XPR1: variants seen among roughly 807,000 people sequenced by gnomAD.
XPR1 encodes the protein solute carrier family 53 member 1.
Under a neutral mutation model 87.5 loss-of-function variants are expected in XPR1, and 28 were observed. That is an observed-to-expected ratio of 0.32 (90% confidence interval 0.24 to 0.44). XPR1 has a LOEUF of 0.44. XPR1 is among the 20% of genes least tolerant of loss of function. XPR1 has a pLI of 1.00. For missense variants in XPR1, 559 were observed against 862.3 expected (o/e 0.65, Z 4.41); for synonymous variants, 300 against 306.1 (o/e 0.98, Z 0.21).
At chr1:180,792,189 G>A (rs900037530) in intron 3 of XPR1, among the ~76,000 whole-genome samples, 10 of 152,104 alleles carry the variant, frequency 6.6e-5, no homozygotes, top group African/African-American at 1.9e-4. Flanking sequence ...ACAATATGGG[G>A]TGAGTTGAGC....
intron 11 of XPR1, among the ~76,000 whole-genome samples, chr1:180,846,883 A>G (rs553115314): frequency 6.6e-6 from 1 of 152,134 alleles, no homozygotes; most frequent in South Asian, 2.1e-4. Flanking sequence ...GATGCCACTT[A>G]ATAGGAAGGA....
chr1:180,767,849 CT>C (rs869095414), intron 2 of XPR1, among the ~76,000 whole-genome samples: 123 of 144,984 alleles, frequency 8.5e-4, no homozygotes, highest in Non-Finnish European at 8.2e-4. Context: ...TCACAAGAAA[CT>C]TTTTTTTTTT....
intron 1 of XPR1, among the ~76,000 whole-genome samples, chr1:180,646,701 C>T (rs973024052): frequency 6.6e-6 from 1 of 152,114 alleles, no homozygotes; most frequent in African/African-American, 2.4e-5. Context: ...CTCATTTTGG[C>T]TAGGGTTAGC....
intron 2 of XPR1, among the ~76,000 whole-genome samples, chr1:180,740,800 G>A (rs570189457): frequency 1.1e-4 from 16 of 152,222 alleles, no homozygotes; most frequent in Non-Finnish European, 2.2e-4. Context: ...CTTAGCACTC[G>A]AGGCTGGGAA....
In XPR1 at chr1:180,827,068, C is replaced by T. The variant is rs190326383; in HGVS notation, c.1134+1724C>T. On this transcript the variant is annotated intron_variant, in intron 9 of 14. Transcript: ENST00000367590. ...ACTCAGGAGGCTGAGGCAGGAGAAT[C>T]GCTTGAACCCAGGAAGTGGAAGTTG... Among the ~76,000 whole-genome samples the T allele has an allele frequency of 8.3e-3, 1,233 of 147,964 alleles. 8 individuals are homozygous for T. The highest frequency in any genetic ancestry group is 0.013 in the Non-Finnish European group (885 of 67,460).
chr1:180,739,459 T>C lies in XPR1; in HGVS notation c.122-48294T>C, dbSNP rs578167365. 3.9e-4 allele frequency among the ~76,000 whole-genome samples: 59 copies of C among 152,330 alleles called. 3 individuals are homozygous for C. The South Asian group carries it at 0.01, about 26-fold the overall frequency. On this transcript the variant is annotated intron_variant, in intron 2 of 14. Transcript: ENST00000367590. ...TTTAGACTCCGTTTGTCTATATCTA[T>C]GAAAAAATATTTCTGGCATATCAAT...
intron 1 of XPR1, among the ~76,000 whole-genome samples, chr1:180,659,439 CTTCCCTCCTTCTTCCCTCCCTT>C: frequency 7.6e-6 from 1 of 132,082 alleles, no homozygotes; most frequent in Admixed American, 7.7e-5. Context: ...TTCCTTCCTT[CTTCCCTCCTTCTTCCCTCCCTT>C]CCTCCCTTCC....
chr1:180,744,777 A>G (rs1659033427), intron 2 of XPR1, among the ~76,000 whole-genome samples: 1 of 149,778 alleles, frequency 6.7e-6, no homozygotes. Context: ...TAGCCTCTTG[A>G]GTAGCTGGGA....
intron 2 of XPR1, among the ~76,000 whole-genome samples, chr1:180,711,652 C>G (rs919910621): frequency 2.6e-5 from 4 of 152,062 alleles, no homozygotes; most frequent in Non-Finnish European, 4.4e-5. Context: ...ATTTTAGATA[C>G]AAGACCTTTA....
intron 1 of XPR1, among the ~76,000 whole-genome samples, chr1:180,649,773 C>T (rs1472488726): frequency 1.3e-5 from 2 of 152,134 alleles, no homozygotes; most frequent in East Asian, 3.8e-4. Context: ...TCCCTGAGTC[C>T]TTCCTCCATC....
At chr1:180,803,277 C>T (rs569590858) in intron 3 of XPR1, 111 bp from the exon 4 acceptor site, 36 of 980,012 alleles carry the variant, frequency 3.7e-5, no homozygotes, top group Middle Eastern at 3.3e-4. Context: ...TTACATGTAA[C>T]GGTTTTCTTC....
intron 2 of XPR1, among the ~76,000 whole-genome samples, chr1:180,709,842 T>C (rs1657701777): frequency 6.6e-6 from 1 of 152,062 alleles, no homozygotes; most frequent in Non-Finnish European, 1.5e-5. Flanking sequence ...ATCTTTTGCC[T>C]ATTTGAAAAA....
intron 7 of XPR1, among the ~76,000 whole-genome samples, chr1:180,821,695 A>C (rs575124981): frequency 6.6e-6 from 1 of 152,100 alleles, no homozygotes; most frequent in Non-Finnish European, 1.5e-5. Flanking sequence ...ATTCTTTTCT[A>C]CTTTAATTTC....
intron 1 of XPR1, among the ~76,000 whole-genome samples, chr1:180,642,824 T>C (rs1655001427): frequency 6.6e-6 from 1 of 152,124 alleles, no homozygotes; most frequent in African/African-American, 2.4e-5. Flanking sequence ...ACGTTTATCT[T>C]GGAAGGATCT....
At chr1:180,839,763 G>A (rs1651438470) in intron 11 of XPR1, among the ~76,000 whole-genome samples, 1 of 152,188 alleles carries the variant, frequency 6.6e-6, no homozygotes, top group Non-Finnish European at 1.5e-5. Flanking sequence ...GATAAATTGT[G>A]AAAAAGTAAG....
At chr1:180,862,251 T>TA (rs893312842) in intron 11 of XPR1, among the ~76,000 whole-genome samples, 2 of 152,070 alleles carry the variant, frequency 1.3e-5, no homozygotes, top group Non-Finnish European at 2.9e-5. Flanking sequence ...GATCTGATCC[T>TA]AAAGCCCACG....
chr1:180,749,925 G>T (rs1227882282), intron 2 of XPR1, among the ~76,000 whole-genome samples: 1 of 152,078 alleles, frequency 6.6e-6, no homozygotes, highest in Non-Finnish European at 1.5e-5. Flanking sequence ...GCAAATGAAG[G>T]GTTGAGGGAA....
chr1:180,835,668 C>T (rs566952140), intron 10 of XPR1, among the ~76,000 whole-genome samples: 2 of 152,274 alleles, frequency 1.3e-5, no homozygotes. Flanking sequence ...AGGTTGATCA[C>T]ACTCAATTCT....
chr1:180,728,103 C>G (rs73034858), intron 2 of XPR1, among the ~76,000 whole-genome samples: 2,552 of 152,196 alleles, frequency 0.017, 80 homozygotes, highest in African/African-American at 0.056. Flanking sequence ...CTGGTTCACA[C>G]GCCTCTGATA....
Sources: allele counts gnomAD v4.1 joint callset (sites outside exome capture counted in the v4.1 genomes callset), GRCh38; gene constraint gnomAD v4.1.1; transcripts MANE v1.5; gene names NCBI Gene and HGNC (gene_info 2026-07-23, HGNC 2026-07-21).